TBL1X: variants seen among roughly 807,000 people sequenced by gnomAD.
TBL1X encodes the protein F-box-like/WD repeat-containing protein TBL1X.
Under a neutral mutation model 50.7 loss-of-function variants are expected in TBL1X, and 10 were observed. The observed-to-expected ratio is 0.20, with a 90% CI of 0.12 to 0.33. The LOEUF is 0.33. TBL1X is among the 10% of genes least tolerant of loss of function. The pLI is 1.00. For missense variants in TBL1X, 340 were observed against 504.4 expected (o/e 0.67, Z 3.12); for synonymous variants, 190 against 214.7 (o/e 0.88, Z 1.01).
intron 2 of TBL1X, among the ~76,000 whole-genome samples, chrX:9,504,555 A>G (rs1569209407): frequency 8.9e-6 from 1 of 112,258 alleles, no homozygotes; most frequent in Non-Finnish European, 1.9e-5. Flanking sequence ...GAACCTTGAT[A>G]AAAGGTTAGA....
At chrX:9,630,249 C>T (rs1315749170) in intron 2 of TBL1X, among the ~76,000 whole-genome samples, 4 of 111,654 alleles carry the variant, frequency 3.6e-5, no homozygotes, top group African/African-American at 1.3e-4. Flanking sequence ...AGGAATCACT[C>T]GATGTTTCGT....
At chrX:9,526,861 G>T (rs2082135094) in intron 2 of TBL1X, among the ~76,000 whole-genome samples, 1 of 111,944 alleles carries the variant, frequency 8.9e-6, no homozygotes, top group Admixed American at 9.4e-5. Context: ...CCCTCCTGGA[G>T]TTGATAGACT....
intron 2 of TBL1X, among the ~76,000 whole-genome samples, chrX:9,508,968 T>A (rs1271655083): frequency 9.1e-6 from 1 of 110,036 alleles, no homozygotes; most frequent in Non-Finnish European, 1.9e-5. Flanking sequence ...ACTATGAGGG[T>A]CAGTAGGGAT....
intron 10 of TBL1X, 44 bp from the exon 11 acceptor site, chrX:9,693,278 A>G: frequency 8.3e-7 from 1 of 1,209,219 alleles, no homozygotes; most frequent in Non-Finnish European, 1.1e-6. Flanking sequence ...CCTTGAGTGA[A>G]CAGACCATGA....
At chrX:9,591,057 C>G (rs896094756) in intron 2 of TBL1X, among the ~76,000 whole-genome samples, 7 of 110,526 alleles carry the variant, frequency 6.3e-5, no homozygotes, top group African/African-American at 2.3e-4. Context: ...AGGACAGATC[C>G]CAGAGCCAGG....
chrX:9,503,479 C>A (rs749259900), intron 2 of TBL1X, among the ~76,000 whole-genome samples: 2 of 93,892 alleles, frequency 2.1e-5, no homozygotes, highest in African/African-American at 7.2e-5. Flanking sequence ...TGAACTCCTG[C>A]AGGGAGGGGC....
chrX:9,680,837 C>T (rs772575175), intron 5 of TBL1X, among the ~76,000 whole-genome samples: 9 of 111,979 alleles, frequency 8.0e-5, no homozygotes, highest in Non-Finnish European at 1.3e-4. Flanking sequence ...GAAAGACCTT[C>T]GAGGTACCCC....
chrX:9,548,452 T>C (rs985588143), intron 2 of TBL1X, among the ~76,000 whole-genome samples: 2 of 112,063 alleles, frequency 1.8e-5, no homozygotes, highest in Non-Finnish European at 3.8e-5. Flanking sequence ...GGCCTAATGC[T>C]AAGTCTTACA....
At chrX:9,575,784 A>G (rs1405952122) in intron 2 of TBL1X, among the ~76,000 whole-genome samples, 5 of 112,168 alleles carry the variant, frequency 4.5e-5, no homozygotes, top group Non-Finnish European at 9.4e-5. Context: ...TTGGGTGAGG[A>G]ATGATGAAGT....
At position 9,532,372 on chromosome X, in the gene TBL1X, G is replaced by C. The variant is rs1362604913; in HGVS notation, c.-131+30523G>C. On this transcript the variant is annotated intron_variant, in intron 2 of 17. Coordinates refer to ENST00000645353, the MANE Select transcript of TBL1X (RefSeq NM_005647.4). Reference sequence around the variant, plus strand: ...TTGGGGGTGAAGCATTTTTACCCTAGAGGAATTCTATCCAAACACATTAAA... The same window carrying C: ...TTGGGGGTGAAGCATTTTTACCCTACAGGAATTCTATCCAAACACATTAAA... Among the ~76,000 whole-genome samples, 3 of 112,043 alleles carry C rather than the reference G, an allele frequency of 2.7e-5. No homozygotes were observed. In the East Asian group the frequency reaches 8.4e-4, roughly 32 times the overall value.
intron 2 of TBL1X, among the ~76,000 whole-genome samples, chrX:9,577,063 T>A (rs2082416267): frequency 9.0e-6 from 1 of 111,502 alleles, no homozygotes; most frequent in Non-Finnish European, 1.9e-5. Context: ...GTATCCTTAT[T>A]TTCCCAGGCC....
In TBL1X at chrX:9,523,234, C is replaced by T. The variant is rs191810954; in HGVS notation, c.-131+21385C>T. On this transcript the variant is annotated intron_variant, in intron 2 of 17. Transcript: ENST00000645353. ...GCTGTCACCCTTTCACCCTGATCACCGCATGCAGTCTGGCCTCTGCCCCGC... is the reference window on the plus strand; with the variant it reads ...GCTGTCACCCTTTCACCCTGATCACTGCATGCAGTCTGGCCTCTGCCCCGC... Among the ~76,000 whole-genome samples the T allele has an allele frequency of 1.8e-4, 20 of 112,038 alleles. No homozygotes were observed. The East Asian group carries it at 5.4e-3, about 30-fold the overall frequency.
chrX:9,624,152 G>A (rs747678490), intron 2 of TBL1X, among the ~76,000 whole-genome samples: 18 of 112,216 alleles, frequency 1.6e-4, no homozygotes, highest in Non-Finnish European at 2.6e-4. Flanking sequence ...GAAGTTTATA[G>A]CCAACTAAGA....
chrX:9,591,801 G>A (rs752224782), intron 2 of TBL1X, among the ~76,000 whole-genome samples: 11 of 112,020 alleles, frequency 9.8e-5, no homozygotes, highest in Non-Finnish European at 1.7e-4. Flanking sequence ...TAAGAGGACA[G>A]CATGAACTCA....
intron 2 of TBL1X, among the ~76,000 whole-genome samples, chrX:9,593,215 A>C (rs1178230058): frequency 1.8e-5 from 2 of 109,538 alleles, no homozygotes; most frequent in African/African-American, 3.3e-5. Context: ...CAGCCTGGCC[A>C]ATGTGTTGAA....
intron 5 of TBL1X, among the ~76,000 whole-genome samples, chrX:9,663,279 T>G (rs758107671): frequency 4.5e-4 from 50 of 111,962 alleles, no homozygotes; most frequent in Non-Finnish European, 8.4e-4. Flanking sequence ...AAACAGTGGC[T>G]TATTTATAAT....
chrX:9,498,831 A>G (rs1257211320), intron 1 of TBL1X, among the ~76,000 whole-genome samples: 1 of 112,247 alleles, frequency 8.9e-6, no homozygotes. Context: ...TGGGTTGCAC[A>G]GTGCTGAGAT....
At chrX:9,564,237 C>A (rs191212049) in intron 2 of TBL1X, among the ~76,000 whole-genome samples, 1 of 110,877 alleles carries the variant, frequency 9.0e-6, no homozygotes, top group African/African-American at 3.3e-5. Flanking sequence ...CTGGCCAACA[C>A]GGTGAAACCT....
Position 9,672,564 on chromosome X carries a change from G to A in TBL1X, c.212-11479G>A, listed in dbSNP as rs766701447. On this transcript the variant is annotated intron_variant, in intron 5 of 17. Coordinates refer to ENST00000645353, the MANE Select transcript of TBL1X (RefSeq NM_005647.4). ...TTTTTACCCTCCCACATCTGTGCCT[G>A]TAGTAATATGTCACTCTCTTCCTCC... is the stretch of plus-strand genomic sequence containing the variant. Among the ~76,000 whole-genome samples, 14 of 110,898 alleles carry A rather than the reference G, an allele frequency of 1.3e-4. No individual in the cohort carries two copies. The South Asian group carries it at 5.0e-3, about 40-fold the overall frequency.
Sources: allele counts gnomAD v4.1 joint callset (sites outside exome capture counted in the v4.1 genomes callset), GRCh38; gene constraint gnomAD v4.1.1; transcripts MANE v1.5; gene names NCBI Gene and HGNC (gene_info 2026-07-23, HGNC 2026-07-21).